The following MYRFL variants were observed in gnomAD, a reference collection of about 807,000 sequenced individuals.
MYRFL encodes myelin regulatory factor-like protein.
MYRFL carries 88 observed loss-of-function variants against 109.4 expected under a neutral mutation model. The observed-to-expected ratio is 0.80, with a 90% confidence interval of 0.68 to 0.96. The LOEUF (loss-of-function observed/expected upper bound fraction) is 0.96, where lower values mean the gene tolerates loss of function less well. Among genes scored for constraint, MYRFL ranks in the 40% least tolerant of loss-of-function variants. MYRFL has a pLI of 0.00. For synonymous variants in MYRFL, 324 were observed against 320.9 expected, an observed-to-expected ratio of 1.01 and a Z score of -0.10; for missense variants, 957 against 954.9, an observed-to-expected ratio of 1.00 and a Z score of -0.03.
intron 7 of MYRFL, among the ~76,000 whole-genome samples, chr12:69,893,200 A>G (rs767176739): frequency 2.0e-5 from 3 of 152,350 alleles, no homozygotes; most frequent in Non-Finnish European, 1.5e-5. Flanking sequence ...CACCAGTTGT[A>G]TATTACAGGG....
intron 19 of MYRFL, among the ~76,000 whole-genome samples, chr12:69,946,290 G>A (rs899842503): frequency 6.6e-6 from 1 of 152,108 alleles, no homozygotes; most frequent in African/African-American, 2.4e-5. Flanking sequence ...TGAAATTTAT[G>A]TTGTGCCTTA....
chr12:69,930,774 T>G (rs1393467659), intron 15 of MYRFL, among the ~76,000 whole-genome samples: 5 of 148,422 alleles, frequency 3.4e-5, no homozygotes, highest in Non-Finnish European at 7.4e-5. Flanking sequence ...ATTATGCCAT[T>G]GCACTCCAGC....
chr12:69,930,648 A>G (rs1190575592), intron 15 of MYRFL, among the ~76,000 whole-genome samples: 1 of 151,976 alleles, frequency 6.6e-6, no homozygotes, highest in African/African-American at 2.4e-5. Context: ...GTGAGACCCC[A>G]TAGCTACAAA....
At chr12:69,932,926 GCAAA>G (rs1222566214) in intron 16 of MYRFL, among the ~76,000 whole-genome samples, 1 of 149,824 alleles carries the variant, frequency 6.7e-6, no homozygotes, top group African/African-American at 2.5e-5. Flanking sequence ...TCTTAGCTTT[GCAAA>G]CAAAGAGTTT....
chr12:69,912,229 G>A (rs1954593396), intron 13 of MYRFL, among the ~76,000 whole-genome samples: 1 of 152,050 alleles, frequency 6.6e-6, no homozygotes, highest in Admixed American at 6.6e-5. Context: ...CCCAGACCTG[G>A]GCTATCATTT....
chr12:69,938,390 T>C (rs913314575), intron 19 of MYRFL, among the ~76,000 whole-genome samples: 2 of 152,164 alleles, frequency 1.3e-5, no homozygotes, highest in Non-Finnish European at 2.9e-5. Context: ...CGTAGACTGG[T>C]CCACTCTTCA....
chr12:69,925,998 A>G (rs1955061316), intron 13 of MYRFL, among the ~76,000 whole-genome samples: 2 of 152,078 alleles, frequency 1.3e-5, no homozygotes, highest in African/African-American at 4.8e-5. Context: ...CTTCCCTCAC[A>G]TGAGAAATTT....
In MYRFL at chr12:69,936,646, A is replaced by G. The variant is rs1214528684; in HGVS notation, c.2224+14A>G. On this transcript the variant is annotated intron_variant, in intron 19 of 24. Transcript: ENST00000552032. ...GGCGATGGTCAGGTAAATGATGTTC[A>G]AAGAGAAACAACTAGAGCTTTGAAC... is the stretch of plus-strand genomic sequence containing the variant. 5.4e-6 allele frequency: 8 copies of G among 1,490,978 alleles called. No homozygotes were observed. The highest frequency in any genetic ancestry group is 8.9e-7 in the Non-Finnish European group (1 of 1,122,196). 92.4% of individuals were successfully genotyped at this position (1,490,978 alleles called of 1,614,324 possible). A position where few individuals can be genotyped will look rare whatever the true frequency, so the allele number is the denominator to read the frequency against.
intron 15 of MYRFL, among the ~76,000 whole-genome samples, chr12:69,931,666 C>T (rs1955274228): frequency 6.7e-6 from 1 of 149,282 alleles, no homozygotes; most frequent in African/African-American, 2.5e-5. Context: ...TCCCCGGAAG[C>T]AAGCAGATAT....
intron 9 of MYRFL, 138 bp from the exon 10 acceptor site, chr12:69,897,018 G>A (rs1954018546): frequency 3.0e-6 from 2 of 666,216 alleles, no homozygotes; most frequent in Non-Finnish European, 5.4e-6. Flanking sequence ...ACTTAGAACA[G>A]AAGGGAAAAG....
chr12:69,938,601 G>T (rs1351419510), intron 19 of MYRFL, among the ~76,000 whole-genome samples: 1 of 152,100 alleles, frequency 6.6e-6, no homozygotes, highest in Non-Finnish European at 1.5e-5. Flanking sequence ...ACCTTGTACA[G>T]GCCAGGCTAA....
chr12:69,907,865 T>A (rs1304504680), intron 11 of MYRFL, among the ~76,000 whole-genome samples: 1 of 152,088 alleles, frequency 6.6e-6, no homozygotes, highest in Admixed American at 6.5e-5. Context: ...TCAATAGATA[T>A]TTGTTGACTG....
intron 2 of MYRFL, among the ~76,000 whole-genome samples, chr12:69,866,182 T>C (rs1169179363): frequency 6.6e-6 from 1 of 152,086 alleles, no homozygotes; most frequent in Non-Finnish European, 1.5e-5. Context: ...GTGTCTAAAA[T>C]TATCTACCAA....
Position 69,948,265 on chromosome 12 carries a change from C to A in MYRFL, c.2225-3848C>A, listed in dbSNP as rs543254802. Among the ~76,000 whole-genome samples, 52 of 152,200 alleles carry A rather than the reference C, an allele frequency of 3.4e-4. 1 individual carries two copies. The South Asian group carries it at 0.01, about 30-fold the overall frequency. ...TGGGAGATTTAAATCTTATTTCTTG[C>A]GTTTGAAAAATCATTTTTATAATTC... On this transcript the variant is annotated intron_variant, in intron 19 of 24. Transcript: ENST00000552032.
At chr12:69,863,319 G>GATTC (rs1328538775) in intron 2 of MYRFL, among the ~76,000 whole-genome samples, 1 of 152,186 alleles carries the variant, frequency 6.6e-6, no homozygotes, top group Non-Finnish European at 1.5e-5. Flanking sequence ...AGTTTCAGAA[G>GATTC]GAATGGTACC....
In MYRFL at chr12:69,910,061, C is replaced by A; in HGVS notation, c.1476C>A (p.Asn492Lys). 6.5e-7 allele frequency: 1 copy of A among 1,527,396 alleles called. No homozygotes were observed. Among genetic ancestry groups the A allele is most frequent in the Non-Finnish European group, 8.7e-7 (1 of 1,143,908 alleles). 94.6% of individuals were successfully genotyped at this position (1,527,396 alleles called of 1,614,324 possible). The change falls in exon 12 of 25, where the codon AAC (asparagine) becomes AAA (lysine). Residue 492 changes from asparagine to lysine, a missense_variant. Coordinates refer to ENST00000552032, the MANE Select transcript of MYRFL (RefSeq NM_182530.3). ...KPEFASAMGI[N>K]TAHQTGMIAQ... ...AATTTGCATCTGCAATGGGAATAAA[C>A]ACTGCCCATCAAACAGGTACACACA...
chr12:69,909,848 A>T, intron 11 of MYRFL, 121 bp from the exon 12 acceptor site: 1 of 738,870 alleles, frequency 1.4e-6, no homozygotes, highest in Non-Finnish European at 2.1e-6. Flanking sequence ...ATCCACTTGA[A>T]GAAATTATCT....
chr12:69,936,105 TTTGA>T lies in MYRFL; in HGVS notation c.1917-7_1917-4del. 1 of 1,327,132 alleles carries T rather than the reference TTTGA, an allele frequency of 7.5e-7. No homozygotes were observed. Among genetic ancestry groups the T allele is most frequent in the Non-Finnish European group, 1.0e-6 (1 of 995,716 alleles). The allele number at this position is 1,327,132 out of a possible 1,614,324, so 82.2% of individuals were successfully genotyped here. A position where few individuals can be genotyped will look rare whatever the true frequency, so the allele number is the denominator to read the frequency against. Reference sequence around the variant, plus strand: ...TTTTTTTTTTTTTTTTTTTTTTTTTTTTGACAGTGCTTTGACGATAGTTGCCCTC... The same window carrying T: ...TTTTTTTTTTTTTTTTTTTTTTTTTTCAGTGCTTTGACGATAGTTGCCCTC... On this transcript the variant is annotated splice_region_variant and splice_polypyrimidine_tract_variant and intron_variant, in intron 16 of 24. Transcript: ENST00000552032.
chr12:69,825,580 C>A lies in MYRFL; in HGVS notation c.46+17C>A. 1.4e-6 allele frequency: 1 copy of A among 700,334 alleles called. No homozygotes were observed. The highest frequency in any genetic ancestry group is 1.5e-5 in the South Asian group (1 of 67,104). The allele number at this position is 700,334 out of a possible 1,614,324, so 43.4% of individuals were successfully genotyped here. On this transcript the variant is annotated intron_variant, in intron 1 of 24. Coordinates refer to ENST00000552032, the MANE Select transcript of MYRFL (RefSeq NM_182530.3). ...TCTTTGAAGGTAAGAGGCCAATTTC[C>A]AGCATGAATTTGCTGCTTCTGAGAA... is the stretch of plus-strand genomic sequence containing the variant.
Sources: allele counts gnomAD v4.1 joint callset (sites outside exome capture counted in the v4.1 genomes callset), GRCh38; gene constraint gnomAD v4.1.1; transcripts MANE v1.5; gene names NCBI Gene and HGNC (gene_info 2026-07-23, HGNC 2026-07-21).